DNAH6: variants seen among roughly 807,000 people sequenced by gnomAD.
The protein encoded by DNAH6 is axonemal beta dynein heavy chain 6.
In DNAH6, 340 loss-of-function variants were observed where a neutral mutation model predicts 491.4. The observed-to-expected ratio is 0.69, with a 90% CI of 0.63 to 0.76. The LOEUF is 0.76. Ranked by LOEUF, DNAH6 falls within the 30% of genes least tolerant of loss-of-function variation. The pLI, the probability that DNAH6 is intolerant of heterozygous loss-of-function variation, is 0.00. For missense variants in DNAH6, 4,443 were observed against 4,972.2 expected (o/e 0.89, Z 3.20); for synonymous variants, 1,603 against 1,686.1 (o/e 0.95, Z 1.21).
intron 68 of DNAH6, among the ~76,000 whole-genome samples, chr2:84,793,682 C>T (rs1181320606): frequency 2.0e-5 from 3 of 152,124 alleles, no homozygotes; most frequent in African/African-American, 7.2e-5. Context: ...AGAACATCTC[C>T]TTTTTACATC....
chr2:84,466,337 G>A, the DNAH6 span, among the ~76,000 whole-genome samples: 2 of 152,112 alleles, frequency 1.3e-5, no homozygotes, highest in Non-Finnish European at 2.9e-5. Flanking sequence ...ATTGTGTCCT[G>A]TTACAAAAGA....
chr2:84,692,941 T>C (rs1250165028), intron 45 of DNAH6, among the ~76,000 whole-genome samples: 1 of 152,238 alleles, frequency 6.6e-6, no homozygotes, highest in African/African-American at 2.4e-5. Context: ...AATCATAAAC[T>C]TTTCAATTGT....
intron 70 of DNAH6, among the ~76,000 whole-genome samples, chr2:84,804,696 A>T (rs144336331): frequency 4.6e-5 from 7 of 152,308 alleles, no homozygotes; most frequent in African/African-American, 1.7e-4. Flanking sequence ...CTTTTAACTG[A>T]TCAACTTAAA....
At chr2:84,488,124 G>A in the DNAH6 span, among the ~76,000 whole-genome samples, 1 of 152,162 alleles carries the variant, frequency 6.6e-6, no homozygotes. Flanking sequence ...TTACAAAGAT[G>A]TGCAAGGGAA....
chr2:84,778,986 T>C (rs376174087), intron 64 of DNAH6, among the ~76,000 whole-genome samples: 1 of 152,232 alleles, frequency 6.6e-6, no homozygotes, highest in African/African-American at 2.4e-5. Context: ...TCTATTTTAA[T>C]TCCACTGTTG....
intron 64 of DNAH6, 121 bp from the exon 65 acceptor site, chr2:84,781,372 G>T: frequency 1.2e-6 from 1 of 837,988 alleles, no homozygotes. Context: ...TACTCCTATT[G>T]GAATGAGGAT....
chr2:84,795,492 AAGAG>A (rs1217641394), intron 68 of DNAH6, among the ~76,000 whole-genome samples: 2 of 145,546 alleles, frequency 1.4e-5, no homozygotes, highest in East Asian at 3.9e-4. Flanking sequence ...AACAAAAAGA[AAGAG>A]AAAGAAAAAA....
At chr2:84,795,718 G>A (rs1037228937) in intron 68 of DNAH6, among the ~76,000 whole-genome samples, 17 of 152,094 alleles carry the variant, frequency 1.1e-4, no homozygotes, top group African/African-American at 3.9e-4. Context: ...CATAATTTTG[G>A]GATGACAATG....
the DNAH6 span, among the ~76,000 whole-genome samples, chr2:84,477,723 A>C: frequency 4.1e-4 from 63 of 152,300 alleles, no homozygotes; most frequent in African/African-American, 1.3e-3. Context: ...ACAGAAATTG[A>C]CTGGGGAAAG....
intron 30 of DNAH6, among the ~76,000 whole-genome samples, chr2:84,635,342 A>C (rs1004576424): frequency 3.3e-5 from 5 of 152,216 alleles, no homozygotes. Context: ...ATCTACGTGA[A>C]GTATATGTCA....
chr2:84,733,541 C>A lies in DNAH6; in HGVS notation c.10304C>A (p.Thr3435Asn), dbSNP rs1449785940. 6.4e-7 allele frequency: 1 copy of A among 1,551,628 alleles called. No individual in the cohort carries two copies. Among genetic ancestry groups the A allele is most frequent in the Non-Finnish European group, 8.7e-7 (1 of 1,146,944 alleles). Residue 3435 changes from threonine to asparagine, a missense_variant, in exon 62 of 77, where the codon ACC becomes AAC. This residue lies in a region of DNAH6 where 1,463 missense variants were observed against 1,656.6 expected (regional missense o/e 0.88). Coordinates refer to ENST00000389394, the MANE Select transcript of DNAH6 (RefSeq NM_001370.2). The stretch of plus-strand genomic sequence containing the variant: ...TCATTTCCAGTTTTTCACGGACTTA[C>A]CCAAAATATATTGTCACATCCTATT... ...EESFPVFHGL[T>N]QNILSHPISI...
At chr2:84,561,308 A>G (rs1163076512) in intron 11 of DNAH6, among the ~76,000 whole-genome samples, 8 of 152,180 alleles carry the variant, frequency 5.3e-5, no homozygotes, top group South Asian at 4.1e-4. Flanking sequence ...TATTTAATAA[A>G]TGGTGCTGGG....
intron 70 of DNAH6, 82 bp downstream of exon 70, chr2:84,797,740 G>T: frequency 9.0e-7 from 1 of 1,112,620 alleles, no homozygotes; most frequent in Non-Finnish European, 1.3e-6. Context: ...CACTCACTCT[G>T]GAAATTATAA....
At chr2:84,574,662 ATGGAGACTTAG>A (rs1682247566) in intron 12 of DNAH6, among the ~76,000 whole-genome samples, 1 of 152,168 alleles carries the variant, frequency 6.6e-6, no homozygotes, top group South Asian at 2.1e-4. Flanking sequence ...ACACTATCAC[ATGGAGACTTAG>A]TGTGTGCTGA....
At chr2:84,523,733 GTTGT>G (rs1676354238) in intron 2 of DNAH6, among the ~76,000 whole-genome samples, 2 of 152,134 alleles carry the variant, frequency 1.3e-5, no homozygotes, top group East Asian at 1.9e-4. Flanking sequence ...TCAGGAGCAG[GTTGT>G]TTATTTTCCA....
intron 66 of DNAH6, 119 bp downstream of exon 66, chr2:84,784,929 G>A: frequency 2.9e-6 from 2 of 679,904 alleles, no homozygotes; most frequent in South Asian, 1.9e-5. Flanking sequence ...GGCCAGCATG[G>A]GGAGGTGAAG....
rs543826272 is a variant in DNAH6, at chr2:84,804,994, A to G, written c.11482-671A>G. On this transcript the variant is annotated intron_variant, in intron 70 of 76. Transcript: ENST00000389394. Reference sequence around the variant, plus strand: ...ACACCCAGCTAATTTTTTTTTTTTTATAGGGACAGAGTCTTACCATGTTGC... The same window carrying G: ...ACACCCAGCTAATTTTTTTTTTTTTGTAGGGACAGAGTCTTACCATGTTGC... Among the ~76,000 whole-genome samples, 56 of 149,538 alleles carry G rather than the reference A, an allele frequency of 3.7e-4. No homozygotes were observed. In the South Asian group the frequency reaches 8.1e-3, roughly 22 times the overall value.
intron 62 of DNAH6, among the ~76,000 whole-genome samples, chr2:84,742,099 T>C (rs2105028578): frequency 6.6e-6 from 1 of 152,352 alleles, no homozygotes. Context: ...TGTGAGTATC[T>C]GCTTACTATT....
the DNAH6 span, among the ~76,000 whole-genome samples, chr2:84,481,727 A>G: frequency 6.6e-6 from 1 of 152,300 alleles, no homozygotes; most frequent in African/African-American, 2.4e-5. Context: ...TATGACAATC[A>G]TAAGGAGGCA....
Sources: gnomAD v4.1 joint callset for allele counts (sites outside exome capture counted in the v4.1 genomes callset) on GRCh38, gnomAD v4.1.1 for gene constraint, gnomAD v4.1.1 regional missense constraint, MANE v1.5 for transcripts, NCBI Gene and HGNC (gene_info 2026-07-23, HGNC 2026-07-21) for gene names.